The following UQCRB variants were observed in gnomAD, a reference collection of about 807,000 sequenced individuals.
UQCRB encodes the protein cytochrome b-c1 complex subunit 7.
A neutral mutation model predicts 19.8 loss-of-function variants in UQCRB; 12 were observed. That is an observed-to-expected ratio of 0.61 (90% CI 0.39 to 0.98). The LOEUF (loss-of-function observed/expected upper bound fraction) is 0.98, where lower values mean the gene tolerates loss of function less well. Among genes scored for constraint, UQCRB ranks in the 50% least tolerant of loss-of-function variants. The pLI, the probability that UQCRB is intolerant of heterozygous loss-of-function variation, is 0.00. For missense variants in UQCRB, 142 were observed against 131.8 expected, an observed-to-expected ratio of 1.08 and a Z score of -0.38; for synonymous variants, 39 against 42.9, an observed-to-expected ratio of 0.91 and a Z score of 0.35.
chr8:96,227,359 T>C lies in UQCRB; in HGVS notation c.*3696A>G. 1 of 454,086 alleles carries C rather than the reference T, an allele frequency of 2.2e-6. No individual in the cohort carries two copies. Among genetic ancestry groups the C allele is most frequent in the South Asian group, 1.6e-5 (1 of 64,476 alleles). 28.1% of individuals were successfully genotyped at this position (454,086 alleles called of 1,614,324 possible). ...GTTGGTGGGGCGCAGAATGGAGAAA[T>C]CTTCCATAGTGCTCGTGTGATGTAC... On this transcript the variant is annotated 3_prime_UTR_variant, in exon 4 of 4. Transcript: ENST00000287022.
Position 96,229,086 on chromosome 8 carries a change from A to G in UQCRB, c.*1969T>C, listed in dbSNP as rs1270852096. Reference sequence around the variant, plus strand: ...AGGACGATAACCATAATTTATAATGAACACAAAACATTGATCTAGTGTTCA... The same window carrying G: ...AGGACGATAACCATAATTTATAATGGACACAAAACATTGATCTAGTGTTCA... On this transcript the variant is annotated 3_prime_UTR_variant, in exon 4 of 4. Transcript: ENST00000287022. 2.2e-6 allele frequency: 1 copy of G among 454,072 alleles called. No homozygotes were observed. Among genetic ancestry groups the G allele is most frequent in the Non-Finnish European group, 4.4e-6 (1 of 226,750 alleles). 28.1% of individuals were successfully genotyped at this position (454,072 alleles called of 1,614,324 possible).
At chr8:96,231,490 G>T (rs1320157616) in intron 3 of UQCRB, 7 of 1,534,472 alleles carry the variant, frequency 4.6e-6, no homozygotes, top group Non-Finnish European at 6.1e-6. Flanking sequence ...GTAGGAAGCA[G>T]AGTGCAGAGC....
In UQCRB at chr8:96,230,464, T is replaced by C. The variant is rs1809639680; in HGVS notation, c.*591A>G. On this transcript the variant is annotated 3_prime_UTR_variant, in exon 4 of 4. Coordinates refer to ENST00000287022, the MANE Select transcript of UQCRB (RefSeq NM_006294.5). ...ATCCAACCCTTAAACTTCATAACAATCATTTCCAAAGTGGAAAAGTCACTG... is the reference window on the plus strand; with the variant it reads ...ATCCAACCCTTAAACTTCATAACAACCATTTCCAAAGTGGAAAAGTCACTG... 4.4e-6 allele frequency: 2 copies of C among 453,946 alleles called. No individual in the cohort carries two copies. The highest frequency in any genetic ancestry group is 2.0e-5 in the African/African-American group (1 of 49,998). 28.1% of individuals were successfully genotyped at this position (453,946 alleles called of 1,614,324 possible).
rs552918088 is a variant in UQCRB, at chr8:96,230,161, C to T, written c.*894G>A. 1 of 453,666 alleles carries T rather than the reference C, an allele frequency of 2.2e-6. No individual in the cohort carries two copies. Among genetic ancestry groups the T allele is most frequent in the South Asian group, 1.6e-5 (1 of 64,468 alleles). 28.1% of individuals were successfully genotyped at this position (453,666 alleles called of 1,614,324 possible). ...TGTGATCTAGGCTCACTGCAACCTC[C>T]ACCTCCTGGGGTCAAGCAATTCTCC... On this transcript the variant is annotated 3_prime_UTR_variant, in exon 4 of 4. Coordinates refer to ENST00000287022, the MANE Select transcript of UQCRB (RefSeq NM_006294.5).
At position 96,231,809 on chromosome 8, in the gene UQCRB, T is replaced by G; in HGVS notation, c.223A>C (p.Ile75Leu). Residue 75 changes from isoleucine to leucine, a missense_variant, in exon 3 of 4, where the codon ATC becomes CTC. Around this residue, in one of 2 missense-constraint regions of UQCRB, gnomAD observed 132 missense variants for 107.5 expected, o/e 1.23. Coordinates refer to ENST00000287022, the MANE Select transcript of UQCRB (RefSeq NM_006294.5). ...RALDLNLKHQILPKEQWTKYE... is the reference protein window; with the variant it reads ...RALDLNLKHQLLPKEQWTKYE... ...TTGGTCCACTGCTCTTTAGGCAAGA[T>G]CTGATGCTTCAAGTTCAGGTCCAGT... 1 of 1,614,170 alleles carries G rather than the reference T, an allele frequency of 6.2e-7. No individual in the cohort carries two copies. The highest frequency in any genetic ancestry group is 2.2e-5 in the East Asian group (1 of 44,870).
intron 3 of UQCRB, 196 bp from the exon 4 acceptor site, chr8:96,231,328 T>C: frequency 6.5e-7 from 1 of 1,549,490 alleles, no homozygotes; most frequent in Non-Finnish European, 8.7e-7. Context: ...CTTTGATAGG[T>C]TATGAGGGGG....
Position 96,229,848 on chromosome 8 carries a change from TAC to T in UQCRB, c.*1205_*1206del. 1 of 454,126 alleles carries T rather than the reference TAC, an allele frequency of 2.2e-6. No homozygotes were observed. The highest frequency in any genetic ancestry group is 1.6e-5 in the South Asian group (1 of 64,476). The allele number at this position is 454,126 out of a possible 1,614,324, so 28.1% of individuals were successfully genotyped here. A position where few individuals can be genotyped will look rare whatever the true frequency, so the allele number is the denominator to read the frequency against. ...AAAAATTTAAAGATGCTCTTTATGA[TAC>T]ACACATTTCTCATTGCTTTACAAAC... On this transcript the variant is annotated 3_prime_UTR_variant, in exon 4 of 4. Coordinates refer to ENST00000287022, the MANE Select transcript of UQCRB (RefSeq NM_006294.5).
intron 3 of UQCRB, 31 bp downstream of exon 3, chr8:96,231,743 C>A: frequency 6.2e-7 from 1 of 1,613,876 alleles, no homozygotes; most frequent in Non-Finnish European, 8.5e-7. Flanking sequence ...CCTTAATGAG[C>A]AACACTGTCA....
chr8:96,224,860 C>T lies in UQCRB; in HGVS notation c.*6195G>A, dbSNP rs1037416420. On this transcript the variant is annotated 3_prime_UTR_variant, in exon 4 of 4. Coordinates refer to ENST00000287022, the MANE Select transcript of UQCRB (RefSeq NM_006294.5). ...GAGAGGACTTCTCAAAGCATGACCT[C>T]AGAGGCAAAACCACAGAGGAGAGGA... is the stretch of plus-strand genomic sequence containing the variant. 6.6e-6 allele frequency among the ~76,000 whole-genome samples: 1 copy of T among 152,180 alleles called. No individual in the cohort carries two copies. The highest frequency in any genetic ancestry group is 1.5e-5 in the Non-Finnish European group (1 of 68,038).
intron 1 of UQCRB, chr8:96,235,151 G>A (rs1463891248): frequency 2.3e-6 from 1 of 439,516 alleles, no homozygotes; most frequent in African/African-American, 2.0e-5. Context: ...TTGGGTCATA[G>A]AAAGCACTGA....
chr8:96,235,536 C>T lies in UQCRB; in HGVS notation c.-6G>A. On this transcript the variant is annotated 5_prime_UTR_variant, in exon 1 of 4. Coordinates refer to ENST00000287022, the MANE Select transcript of UQCRB (RefSeq NM_006294.5). ...CCGGCCTGCTTACCAGCCATTTTGA[C>T]CAGAAAGAGAAGCGTTGCCTTCTGG... 6.2e-7 allele frequency: 1 copy of T among 1,614,204 alleles called. No homozygotes were observed. Among genetic ancestry groups the T allele is most frequent in the Non-Finnish European group, 8.5e-7 (1 of 1,180,040 alleles).
In UQCRB at chr8:96,229,853, A is replaced by C; in HGVS notation, c.*1202T>G. 4.4e-6 allele frequency: 2 copies of C among 454,110 alleles called. No individual in the cohort carries two copies. The highest frequency in any genetic ancestry group is 8.8e-6 in the Non-Finnish European group (2 of 226,784). The allele number at this position is 454,110 out of a possible 1,614,324, so 28.1% of individuals were successfully genotyped here. A position where few individuals can be genotyped will look rare whatever the true frequency, so the allele number is the denominator to read the frequency against. On this transcript the variant is annotated 3_prime_UTR_variant, in exon 4 of 4. Coordinates refer to ENST00000287022, the MANE Select transcript of UQCRB (RefSeq NM_006294.5). ...TTTAAAGATGCTCTTTATGATACAC[A>C]CATTTCTCATTGCTTTACAAACTTT...
rs1402578259 is a variant in UQCRB, at chr8:96,230,633, T to C, written c.*422A>G. 4.4e-6 allele frequency: 2 copies of C among 457,486 alleles called. No homozygotes were observed. The highest frequency in any genetic ancestry group is 8.7e-6 in the Non-Finnish European group (2 of 229,250). The allele number at this position is 457,486 out of a possible 1,614,324, so 28.3% of individuals were successfully genotyped here. ...GCAGACATAATTTCTTTTTAAATGATAGGATGCAAAATCAAATCTGTTTGC... is the reference window on the plus strand; with the variant it reads ...GCAGACATAATTTCTTTTTAAATGACAGGATGCAAAATCAAATCTGTTTGC... On this transcript the variant is annotated 3_prime_UTR_variant, in exon 4 of 4. Transcript: ENST00000287022.
In UQCRB at chr8:96,231,112, C is replaced by T. The variant is rs34142481; in HGVS notation, c.279G>A (p.Pro93=). 583 of 1,614,044 alleles carry T rather than the reference C, an allele frequency of 3.6e-4. 3 individuals are homozygous for T. The African/African-American group carries it at 6.9e-3, about 19-fold the overall frequency. The stretch of plus-strand genomic sequence containing the variant: ...TTTCCCGAATAACCTCTTTCAGATA[C>T]GGTTCAAGGTAGAAATTTTCCTAAA... ...KYEEENFYLE[P]YLKEVIRERK... The change falls in exon 4 of 4, where the codon CCG becomes CCA. Residue 93 remains proline, a synonymous_variant. Transcript: ENST00000287022.
At position 96,230,284 on chromosome 8, in the gene UQCRB, C is replaced by T. The variant is rs1178047933; in HGVS notation, c.*771G>A. 9.5e-6 allele frequency: 4 copies of T among 419,062 alleles called. No homozygotes were observed. The highest frequency in any genetic ancestry group is 1.9e-5 in the Non-Finnish European group (4 of 210,330). 26.0% of individuals were successfully genotyped at this position (419,062 alleles called of 1,614,324 possible). On this transcript the variant is annotated 3_prime_UTR_variant, in exon 4 of 4. Transcript: ENST00000287022. ...TAGAGACAGGGTTTCACCATGTTGG[C>T]CAGGCTGGTCTCAAATTCCTGACTT...
rs1305846921 is a variant in UQCRB, at chr8:96,227,037, T to G, written c.*4018A>C. 3 of 453,764 alleles carry G rather than the reference T, an allele frequency of 6.6e-6. No homozygotes were observed. Among genetic ancestry groups the G allele is most frequent in the Admixed American group, 2.4e-5 (1 of 42,540 alleles). 28.1% of individuals were successfully genotyped at this position (453,764 alleles called of 1,614,324 possible). A position where few individuals can be genotyped will look rare whatever the true frequency, so the allele number is the denominator to read the frequency against. On this transcript the variant is annotated 3_prime_UTR_variant, in exon 4 of 4. Transcript: ENST00000287022. Reference sequence around the variant, plus strand: ...AATATGAACGCCAGTATAACCAGAATGTAAACAAATTATGGCATATAAATT... The same window carrying G: ...AATATGAACGCCAGTATAACCAGAAGGTAAACAAATTATGGCATATAAATT...
intron 2 of UQCRB, 101 bp from the exon 3 acceptor site, chr8:96,232,041 T>C (rs947813674): frequency 1.1e-5 from 13 of 1,132,818 alleles, no homozygotes; most frequent in Non-Finnish European, 1.7e-5. Context: ...CAACTTTTGG[T>C]GAACTATCGA....
intron 1 of UQCRB, 33 bp downstream of exon 1, chr8:96,235,479 C>T: frequency 6.2e-7 from 1 of 1,614,194 alleles, no homozygotes. Context: ...TGAAGCGCGA[C>T]GATGCCGGCC....
rs956413544 is a variant in UQCRB at position 96,226,212 on chromosome 8, C to T, written c.*4843G>A. 6.6e-6 allele frequency: 1 copy of T among 152,216 alleles called. No individual in the cohort carries two copies. The highest frequency in any genetic ancestry group is 2.4e-5 in the African/African-American group (1 of 41,436). The allele number at this position is 152,216 out of a possible 1,614,324, so 9.4% of individuals were successfully genotyped here. On this transcript the variant is annotated 3_prime_UTR_variant, in exon 4 of 4. Transcript: ENST00000287022. ...AATGAACAAGCATAAAATGGACTTT[C>T]GAAGCCTAATTTCTTCTTCCATACA... is the stretch of plus-strand genomic sequence containing the variant.
Sources: gnomAD v4.1 joint callset for allele counts (sites outside exome capture counted in the v4.1 genomes callset) on GRCh38, gnomAD v4.1.1 for gene constraint, gnomAD v4.1.1 regional missense constraint, MANE v1.5 for transcripts, NCBI Gene and HGNC (gene_info 2026-07-23, HGNC 2026-07-21) for gene names.